The following RBM47 variants were observed in gnomAD, a reference collection of about 807,000 sequenced individuals.
RBM47 encodes the protein RNA binding motif protein 47.
RBM47 carries 21 observed loss-of-function variants against 47.1 expected under a neutral mutation model. The ratio of observed to expected loss-of-function variants is 0.45; its 90% confidence interval spans 0.32 to 0.64. The LOEUF is 0.64. RBM47 is among the 30% of genes least tolerant of loss of function. The pLI is 0.05. For synonymous variants in RBM47, 375 were observed against 361.7 expected, an observed-to-expected ratio of 1.04 and a Z score of -0.42; for missense variants, 708 against 870.9, an observed-to-expected ratio of 0.81 and a Z score of 2.35.
intron 3 of RBM47, among the ~76,000 whole-genome samples, chr4:40,460,919 T>G (rs1308423490): frequency 6.7e-6 from 1 of 149,320 alleles, no homozygotes; most frequent in Non-Finnish European, 1.5e-5. Flanking sequence ...AGATACTTAT[T>G]AAAAGAAGAA....
rs1401548225 is a variant in RBM47 at position 40,628,778 on chromosome 4, A to G, written c.-240+618T>C. 1.3e-5 allele frequency among the ~76,000 whole-genome samples: 2 copies of G among 152,164 alleles called. No individual in the cohort carries two copies. Among genetic ancestry groups the G allele is most frequent in the East Asian group, 3.9e-4 (2 of 5,194 alleles). ...AGTACCCAAGAGTGGCTGAACTTTT[A>G]CCTAATTAAAAAATGAGTCATTTAT... On this transcript the variant is annotated intron_variant, in intron 1 of 6. Coordinates refer to ENST00000295971, the MANE Select transcript of RBM47 (RefSeq NM_001098634.2). This position sits in a 1 kb window ranked among gnomAD's most constrained non-coding sequence, Gnocchi z 4.0.
At chr4:40,573,151 T>TTAA (rs1731902357) in intron 1 of RBM47, among the ~76,000 whole-genome samples, 1 of 82,394 alleles carries the variant, frequency 1.2e-5, no homozygotes, top group Non-Finnish European at 2.1e-5. Context: ...AGACTTCATC[T>TTAA]CAAAAAAAAA....
intron 5 of RBM47, among the ~76,000 whole-genome samples, chr4:40,436,180 A>AC (rs11452585): frequency 0.11 from 6,981 of 63,562 alleles, 204 homozygotes; most frequent in Middle Eastern, 0.16. Flanking sequence ...TCAAAAAAAA[A>AC]AAAAAACAAA....
At chr4:40,471,279 C>A (rs1265007562) in intron 2 of RBM47, among the ~76,000 whole-genome samples, 1 of 152,182 alleles carries the variant, frequency 6.6e-6, no homozygotes, top group African/African-American at 2.4e-5. Flanking sequence ...TTGAAAGCAT[C>A]TCCTAAACTA....
At chr4:40,577,241 G>C (rs942691807) in intron 1 of RBM47, among the ~76,000 whole-genome samples, 7 of 152,144 alleles carry the variant, frequency 4.6e-5, no homozygotes. Context: ...TTTCAGTTCT[G>C]GGAAAGGGGC....
intron 2 of RBM47, among the ~76,000 whole-genome samples, chr4:40,469,091 A>G (rs1001643664): frequency 6.6e-6 from 1 of 152,236 alleles, no homozygotes; most frequent in Non-Finnish European, 1.5e-5. Context: ...GAGAACAGAG[A>G]AAATATTTAT....
chr4:40,513,110 C>T (rs937623813), intron 2 of RBM47, among the ~76,000 whole-genome samples: 1 of 152,182 alleles, frequency 6.6e-6, no homozygotes, highest in African/African-American at 2.4e-5. Context: ...TTCCTATTTG[C>T]CTGAATATAC....
chr4:40,436,279 G>A (rs1712391071), intron 5 of RBM47, among the ~76,000 whole-genome samples, 162 bp downstream of exon 5: 1 of 152,090 alleles, frequency 6.6e-6, no homozygotes, highest in Non-Finnish European at 1.5e-5. Context: ...TCTAGATAAG[G>A]AGGTCCAGGG....
intron 3 of RBM47, among the ~76,000 whole-genome samples, chr4:40,451,473 C>T (rs1354196964): frequency 6.6e-6 from 1 of 152,178 alleles, no homozygotes; most frequent in African/African-American, 2.4e-5. Context: ...AAATTCCGAC[C>T]CCGCTGCTAC....
At chr4:40,472,826 C>T (rs1044200703) in intron 2 of RBM47, among the ~76,000 whole-genome samples, 4 of 151,816 alleles carry the variant, frequency 2.6e-5, no homozygotes, top group African/African-American at 9.7e-5. Flanking sequence ...CAAAGGAAAC[C>T]AGATAATTTG....
chr4:40,436,667 A>C lies in RBM47; in HGVS notation c.1124-20T>G, dbSNP rs780183396. 5 of 1,611,584 alleles carry C rather than the reference A, an allele frequency of 3.1e-6. No individual in the cohort carries two copies. The highest frequency in any genetic ancestry group is 1.6e-4 in the Middle Eastern group (1 of 6,074). On this transcript the variant is annotated intron_variant, in intron 4 of 6. Transcript: ENST00000295971. ...TGCCTGCTTGTAATAACAACACAAA[A>C]GATGATCAGCAACCAACAGTGACGG...
At chr4:40,558,160 C>CA (rs1253476845) in intron 1 of RBM47, among the ~76,000 whole-genome samples, 5 of 152,000 alleles carry the variant, frequency 3.3e-5, no homozygotes, top group Non-Finnish European at 7.4e-5. Context: ...AACTGAAGCT[C>CA]AGAGAAATAA....
At chr4:40,489,170 G>A (rs10517543) in intron 2 of RBM47, among the ~76,000 whole-genome samples, 13,456 of 152,146 alleles carry the variant, frequency 0.088, 712 homozygotes, top group Middle Eastern at 0.15. Context: ...TTTCAGCATT[G>A]GTCACTCATA....
chr4:40,579,921 A>T (rs535178473), intron 1 of RBM47, among the ~76,000 whole-genome samples: 31 of 151,710 alleles, frequency 2.0e-4, no homozygotes, highest in Non-Finnish European at 3.8e-4. Context: ...CTATTTTTTT[A>T]AATTATTTTT....
intron 1 of RBM47, among the ~76,000 whole-genome samples, chr4:40,592,980 T>TA (rs1351070314): frequency 9.1e-4 from 11 of 12,070 alleles, no homozygotes; most frequent in Non-Finnish European, 7.9e-4. Flanking sequence ...TATATATATA[T>TA]TTTTTTTTTT....
At chr4:40,521,816 C>T (rs1209382812) in intron 2 of RBM47, among the ~76,000 whole-genome samples, 1 of 152,116 alleles carries the variant, frequency 6.6e-6, no homozygotes, top group Non-Finnish European at 1.5e-5. Flanking sequence ...ACCTGGCTAA[C>T]TCTGGGTGTA....
intron 1 of RBM47, among the ~76,000 whole-genome samples, chr4:40,593,801 G>A (rs966175753): frequency 2.6e-5 from 4 of 151,520 alleles, no homozygotes; most frequent in Admixed American, 6.6e-5. Flanking sequence ...GGAGAATGGC[G>A]CGAACCTGGG....
chr4:40,484,325 A>C (rs1483574319), intron 2 of RBM47, among the ~76,000 whole-genome samples: 2 of 152,136 alleles, frequency 1.3e-5, no homozygotes, highest in African/African-American at 4.8e-5. Context: ...AAACGAACCT[A>C]TTTGTTCTGT....
intron 1 of RBM47, among the ~76,000 whole-genome samples, chr4:40,561,494 G>A (rs1206063696): frequency 6.6e-6 from 1 of 151,206 alleles, no homozygotes; most frequent in Non-Finnish European, 1.5e-5. Context: ...AAAGTGCTGG[G>A]ATTACAGGCA....
Sources: gnomAD v4.1 joint callset for allele counts (sites outside exome capture counted in the v4.1 genomes callset) on GRCh38, gnomAD v4.1.1 for gene constraint, Gnocchi (gnomAD v3.1) non-coding constraint, MANE v1.5 for transcripts, NCBI Gene and HGNC (gene_info 2026-07-23, HGNC 2026-07-21) for gene names.